DCC: variants seen among roughly 807,000 people sequenced by gnomAD.
The protein encoded by DCC is netrin receptor DCC.
DCC carries 58 observed loss-of-function variants against 172.5 expected under a neutral mutation model. The ratio of observed to expected loss-of-function variants is 0.34; its 90% CI spans 0.27 to 0.42. The LOEUF (loss-of-function observed/expected upper bound fraction) is 0.42, where lower values mean the gene tolerates loss of function less well. Ranked by LOEUF, DCC falls within the 10% of genes least tolerant of loss-of-function variation. The pLI, the probability that DCC is intolerant of heterozygous loss-of-function variation, is 1.00. For missense variants in DCC, 1,740 were observed against 1,791.0 expected, an observed-to-expected ratio of 0.97 and a Z score of 0.51; for synonymous variants, 709 against 644.5, an observed-to-expected ratio of 1.10 and a Z score of -1.52.
At chr18:53,300,814 C>G (rs2057124912) in intron 12 of DCC, among the ~76,000 whole-genome samples, 1 of 152,026 alleles carries the variant, frequency 6.6e-6, no homozygotes, top group African/African-American at 2.4e-5. Flanking sequence ...AACTTATCTG[C>G]AGAGCACCAG....
intron 5 of DCC, among the ~76,000 whole-genome samples, chr18:52,995,916 C>T (rs1302480393): frequency 3.3e-5 from 5 of 150,636 alleles, no homozygotes; most frequent in African/African-American, 9.8e-5. Context: ...TTTTTTTTTC[C>T]CAGTGAAGTT....
At chr18:52,694,736 G>C (rs987465255) in intron 1 of DCC, among the ~76,000 whole-genome samples, 1 of 152,000 alleles carries the variant, frequency 6.6e-6, no homozygotes, top group African/African-American at 2.4e-5. Context: ...TGGCTCTCAG[G>C]AGAATCACAT....
At chr18:53,398,592 A>C (rs1053025234) in intron 18 of DCC, among the ~76,000 whole-genome samples, 2 of 152,190 alleles carry the variant, frequency 1.3e-5, no homozygotes, top group Non-Finnish European at 2.9e-5. Flanking sequence ...AATGTGAAAT[A>C]GTAAGAAATT....
At chr18:52,948,902 A>C (rs1263666689) in intron 5 of DCC, among the ~76,000 whole-genome samples, 1 of 152,200 alleles carries the variant, frequency 6.6e-6, no homozygotes, top group East Asian at 1.9e-4. Flanking sequence ...TCACACAGCT[A>C]GGGAATGGCC....
At chr18:53,464,788 C>T (rs1276676560) in intron 24 of DCC, among the ~76,000 whole-genome samples, 2 of 151,532 alleles carry the variant, frequency 1.3e-5, no homozygotes, top group African/African-American at 4.8e-5. Flanking sequence ...TGAGATGAGC[C>T]TGACCAACAT....
chr18:52,686,401 A>T (rs1053562026), intron 1 of DCC, among the ~76,000 whole-genome samples: 1 of 152,016 alleles, frequency 6.6e-6, no homozygotes, highest in African/African-American at 2.4e-5. Context: ...CTTCGAAAGG[A>T]TTTTCCTAGT....
At chr18:52,675,006 C>A (rs534845917) in intron 1 of DCC, among the ~76,000 whole-genome samples, 2 of 152,282 alleles carry the variant, frequency 1.3e-5, no homozygotes, top group African/African-American at 4.8e-5. Context: ...TCTCCACAAG[C>A]TCTTATCACA....
intron 23 of DCC, among the ~76,000 whole-genome samples, chr18:53,456,984 G>T (rs2045491048): frequency 6.6e-6 from 1 of 152,184 alleles, no homozygotes; most frequent in Non-Finnish European, 1.5e-5. Context: ...CAAGGCCAAA[G>T]ATTTCTCCTT....
chr18:53,123,723 C>A (rs2043515983), intron 7 of DCC, among the ~76,000 whole-genome samples: 1 of 151,972 alleles, frequency 6.6e-6, no homozygotes. Flanking sequence ...CTTTCTTCCA[C>A]CTTTTCTGCT....
rs59898050 is a variant in DCC at position 53,090,698 on chromosome 18, CAAAAAAAAAAA to C, written c.1261+24558_1261+24568del. 5.6e-3 allele frequency among the ~76,000 whole-genome samples: 219 copies of C among 39,352 alleles called. 1 individual carries two copies. Among genetic ancestry groups the C allele is most frequent in the Middle Eastern group, 0.021 (1 of 48 alleles). The allele number at this position is 39,352 out of a possible 152,430, so 25.8% of individuals were successfully genotyped here. ...GACAGAGCGAAACTCCGTCCCCCAA[CAAAAAAAAAAA>C]AAAAAAAAAAAAAAAAAAAAAAAAA... On this transcript the variant is annotated intron_variant, in intron 7 of 28. Coordinates refer to ENST00000442544, the MANE Select transcript of DCC (RefSeq NM_005215.4).
chr18:52,870,473 G>GA, intron 2 of DCC, among the ~76,000 whole-genome samples: 2 of 152,288 alleles, frequency 1.3e-5, no homozygotes, highest in East Asian at 3.9e-4. Context: ...TGAAACGAAT[G>GA]AAAGGCCACT....
intron 9 of DCC, among the ~76,000 whole-genome samples, chr18:53,182,376 A>T (rs552769049): frequency 6.6e-6 from 1 of 152,188 alleles, no homozygotes; most frequent in African/African-American, 2.4e-5. Context: ...TTTGCAGATC[A>T]TTGTTTATTT....
intron 1 of DCC, among the ~76,000 whole-genome samples, chr18:52,740,404 G>A (rs1363490949): frequency 6.6e-6 from 1 of 152,134 alleles, no homozygotes; most frequent in East Asian, 1.9e-4. Context: ...ACAAGACACA[G>A]TAAATATCAT....
At chr18:53,409,085 C>G (rs867360307) in intron 19 of DCC, among the ~76,000 whole-genome samples, 4 of 151,962 alleles carry the variant, frequency 2.6e-5, no homozygotes, top group African/African-American at 9.7e-5. Flanking sequence ...GCCAGATATA[C>G]CTTAAAGTAG....
chr18:53,412,039 C>T (rs942515102), intron 20 of DCC, among the ~76,000 whole-genome samples: 1 of 152,100 alleles, frequency 6.6e-6, no homozygotes, highest in African/African-American at 2.4e-5. Context: ...TGTTAAACAG[C>T]AGAGTGATGA....
chr18:52,793,993 G>A (rs1192721665), intron 2 of DCC, among the ~76,000 whole-genome samples: 3 of 151,818 alleles, frequency 2.0e-5, no homozygotes, highest in Non-Finnish European at 4.4e-5. Flanking sequence ...ATATTTCTGG[G>A]TTTTATATTG....
At chr18:53,225,041 G>T (rs1017198059) in intron 12 of DCC, among the ~76,000 whole-genome samples, 3 of 152,092 alleles carry the variant, frequency 2.0e-5, no homozygotes, top group Non-Finnish European at 2.9e-5. Flanking sequence ...ATATGACAGG[G>T]ATAAAAAGAG....
At chr18:53,095,591 T>C (rs1463402143) in intron 7 of DCC, among the ~76,000 whole-genome samples, 1 of 152,156 alleles carries the variant, frequency 6.6e-6, no homozygotes, top group East Asian at 1.9e-4. Context: ...CCCTTCCTTA[T>C]ATTCCTTCAA....
chr18:52,786,952 G>T (rs1408191014), intron 2 of DCC, among the ~76,000 whole-genome samples: 1 of 152,076 alleles, frequency 6.6e-6, no homozygotes, highest in African/African-American at 2.4e-5. Flanking sequence ...TTATTGCGAT[G>T]ATGCAAACAA....
Sources: allele counts gnomAD v4.1 joint callset (sites outside exome capture counted in the v4.1 genomes callset), GRCh38; gene constraint gnomAD v4.1.1; transcripts MANE v1.5; gene names NCBI Gene and HGNC (gene_info 2026-07-23, HGNC 2026-07-21).